Variants in NTN1 observed in about 807,000 individuals in gnomAD.
The protein encoded by NTN1 is netrin 1, also known as netrin-1.
Under a neutral mutation model 54.2 loss-of-function variants are expected in NTN1, and 11 were observed. That is an observed-to-expected ratio of 0.20 (90% CI 0.13 to 0.34). The LOEUF (loss-of-function observed/expected upper bound fraction) is 0.34, where lower values mean the gene tolerates loss of function less well. NTN1 is among the 10% of genes least tolerant of loss of function. The pLI is 1.00. For synonymous variants in NTN1, 371 were observed against 382.0 expected (o/e 0.97, Z 0.33); for missense variants, 740 against 893.1 (o/e 0.83, Z 2.18).
intron 2 of NTN1, among the ~76,000 whole-genome samples, chr17:9,147,238 G>T (rs753426937): frequency 3.9e-5 from 6 of 152,246 alleles, no homozygotes; most frequent in Non-Finnish European, 7.3e-5. Context: ...ATTAGCTCAC[G>T]TGTAAGAATA....
intron 2 of NTN1, among the ~76,000 whole-genome samples, chr17:9,023,643 T>G (rs1597461212): frequency 6.6e-6 from 1 of 152,122 alleles, no homozygotes; most frequent in East Asian, 1.9e-4. Context: ...CGGGAGGGGG[T>G]TTGGCAGAAC....
intron 2 of NTN1, among the ~76,000 whole-genome samples, chr17:9,048,047 GT>G (rs1334577634): frequency 3.3e-5 from 5 of 152,114 alleles, no homozygotes; most frequent in Admixed American, 3.3e-4. Flanking sequence ...TTTTCAGAAG[GT>G]TTTCAATTTA....
chr17:9,238,670 A>G (rs1418243024), intron 6 of NTN1, among the ~76,000 whole-genome samples: 26 of 152,222 alleles, frequency 1.7e-4, no homozygotes, highest in Admixed American at 1.7e-3. Context: ...GTCTTGCAGT[A>G]AGGAACCTCT....
intron 6 of NTN1, among the ~76,000 whole-genome samples, chr17:9,222,404 T>A (rs1320924151): frequency 6.6e-6 from 1 of 152,248 alleles, no homozygotes; most frequent in Admixed American, 6.5e-5. Context: ...CCCAAGGCTG[T>A]CCTAATCATA....
chr17:9,212,883 CT>C lies in NTN1; in HGVS notation c.1412-8284del, dbSNP rs1244861419. Among the ~76,000 whole-genome samples the C allele has an allele frequency of 1.2e-4, 18 of 152,356 alleles. No individual in the cohort carries two copies. The highest frequency in any genetic ancestry group is 2.9e-4 in the African/African-American group (12 of 41,598). On this transcript the variant is annotated intron_variant, in intron 5 of 6. Transcript: ENST00000173229. This position sits in a 1 kb window ranked among gnomAD's most constrained non-coding sequence, Gnocchi z 5.5. ...AGGGGAGGTGCCAGATGCGGTGCCC[CT>C]GGCTTCAACCGTGGCCGCCGGGCTC...
In NTN1 at chr17:9,151,527, C is replaced by T. The variant is rs1024762352; in HGVS notation, c.1019-11286C>T. On this transcript the variant is annotated intron_variant, in intron 2 of 6. Coordinates refer to ENST00000173229, the MANE Select transcript of NTN1 (RefSeq NM_004822.3). ...ACCACCTTGATCCACCCCTCTTCCA[C>T]GGCATTTCTGGTATCAGAGATAAAG... Among the ~76,000 whole-genome samples the T allele has an allele frequency of 1.1e-4, 17 of 152,190 alleles. 1 individual carries two copies. The East Asian group carries it at 1.5e-3, about 14-fold the overall frequency.
chr17:9,158,962 C>G (rs1567724548), intron 2 of NTN1, among the ~76,000 whole-genome samples: 1 of 152,196 alleles, frequency 6.6e-6, no homozygotes, highest in African/African-American at 2.4e-5. Context: ...CTGTCCACCT[C>G]TATTTGTAAA....
At chr17:9,018,049 G>C (rs921616884), upstream of NTN1, among the ~76,000 whole-genome samples, 2 of 152,176 alleles carry the variant, frequency 1.3e-5, no homozygotes. Context: ...TAGGGTTTGG[G>C]CCACCTGCAG....
Position 9,143,167 on chromosome 17 carries a change from C to T in NTN1, c.1019-19646C>T, listed in dbSNP as rs912759867. ...GGCTTTGTCCAGAAGGGCTGTCTGT[C>T]TGGACGGGAGTAGAGGATGAGAAGA... is the stretch of plus-strand genomic sequence containing the variant. On this transcript the variant is annotated intron_variant, in intron 2 of 6. Coordinates refer to ENST00000173229, the MANE Select transcript of NTN1 (RefSeq NM_004822.3). Among the ~76,000 whole-genome samples the T allele has an allele frequency of 4.6e-5, 7 of 152,184 alleles. No homozygotes were observed. The South Asian group carries it at 1.4e-3, about 31-fold the overall frequency.
intron 5 of NTN1, among the ~76,000 whole-genome samples, chr17:9,205,955 A>G (rs1243651941): frequency 1.3e-5 from 2 of 152,162 alleles, no homozygotes; most frequent in Admixed American, 6.5e-5. Context: ...ACTCATCACC[A>G]TTCCGGTTGC....
chr17:9,032,434 T>C (rs2091890919), intron 2 of NTN1, among the ~76,000 whole-genome samples: 1 of 152,196 alleles, frequency 6.6e-6, no homozygotes, highest in Non-Finnish European at 1.5e-5. Context: ...TGCCCCAACC[T>C]GGGCCAGGAC....
chr17:9,200,272 C>CA (rs1287611418), intron 5 of NTN1, among the ~76,000 whole-genome samples: 4 of 152,214 alleles, frequency 2.6e-5, no homozygotes, highest in Non-Finnish European at 4.4e-5. Context: ...CTGCTGAACA[C>CA]AAAATCCCCT....
chr17:9,239,553 T>TCTC lies in NTN1; in HGVS notation c.1487-84_1487-82dup. On this transcript the variant is annotated intron_variant, in intron 6 of 6. Transcript: ENST00000173229. The surrounding 1 kb of genome is among the most constrained non-coding windows in gnomAD (Gnocchi z 5.2). ...TGTGCAGTCACTTCCTGGGGCTGGG[T>TCTC]CTCCTTTCCCTTCTCCCCAGGCTCA... 1 of 1,355,832 alleles carries TCTC rather than the reference T, an allele frequency of 7.4e-7. No homozygotes were observed. Among genetic ancestry groups the TCTC allele is most frequent in the South Asian group, 1.3e-5 (1 of 75,610 alleles). The allele number at this position is 1,355,832 out of a possible 1,614,324, so 84.0% of individuals were successfully genotyped here.
At chr17:9,113,510 A>G (rs1215066532) in intron 2 of NTN1, among the ~76,000 whole-genome samples, 11 of 152,130 alleles carry the variant, frequency 7.2e-5, no homozygotes, top group East Asian at 1.9e-4. Context: ...ATGAGCATCA[A>G]CTGTATCTGA....
At chr17:9,231,604 C>T (rs967282446) in intron 6 of NTN1, among the ~76,000 whole-genome samples, 1 of 152,206 alleles carries the variant, frequency 6.6e-6, no homozygotes, top group Non-Finnish European at 1.5e-5. Context: ...GCCCGGCTTG[C>T]GGTGAGGGGA....
chr17:9,167,884 G>A (rs1414229440), intron 3 of NTN1, among the ~76,000 whole-genome samples: 1 of 152,192 alleles, frequency 6.6e-6, no homozygotes, highest in African/African-American at 2.4e-5. Flanking sequence ...TGTAACTTAT[G>A]CTGTGAGTCT....
intron 2 of NTN1, among the ~76,000 whole-genome samples, chr17:9,030,628 C>T (rs1185257237): frequency 2.0e-5 from 3 of 151,938 alleles, no homozygotes; most frequent in Non-Finnish European, 4.4e-5. Context: ...GCCTGTAATC[C>T]CAGCTACTTG....
At chr17:9,232,074 G>A (rs953886566) in intron 6 of NTN1, among the ~76,000 whole-genome samples, 2 of 152,192 alleles carry the variant, frequency 1.3e-5, no homozygotes, top group Non-Finnish European at 2.9e-5. Flanking sequence ...TCGGGGGAGG[G>A]GAGCACTGTC....
intron 3 of NTN1, among the ~76,000 whole-genome samples, chr17:9,164,100 G>C (rs1177368507): frequency 6.6e-6 from 1 of 152,268 alleles, no homozygotes; most frequent in African/African-American, 2.4e-5. Flanking sequence ...AAGTCCACCA[G>C]ATGTTGGGCA....
Sources: gnomAD v4.1 joint callset for allele counts (sites outside exome capture counted in the v4.1 genomes callset) on GRCh38, gnomAD v4.1.1 for gene constraint, Gnocchi (gnomAD v3.1) non-coding constraint, MANE v1.5 for transcripts, NCBI Gene and HGNC (gene_info 2026-07-23, HGNC 2026-07-21) for gene names.